Variants in SLC38A11 observed in about 807,000 individuals in gnomAD.
SLC38A11 encodes the protein solute carrier family 38 member 11, also known as putative sodium-coupled neutral amino acid transporter 11.
In SLC38A11, 51 loss-of-function variants were observed where a neutral mutation model predicts 49.4. The ratio of observed to expected loss-of-function variants is 1.03; its 90% CI spans 0.83 to 1.30. The LOEUF is 1.30. Among genes scored for constraint, SLC38A11 ranks in the 50% most tolerant of loss-of-function variants. SLC38A11 has a pLI of 0.00. For missense variants in SLC38A11, 574 were observed against 556.2 expected (o/e 1.03, Z -0.32); for synonymous variants, 203 against 192.9 (o/e 1.05, Z -0.43).
chr2:164,947,029 T>G (rs1273981642), intron 3 of SLC38A11, among the ~76,000 whole-genome samples: 2 of 152,072 alleles, frequency 1.3e-5, no homozygotes, highest in Non-Finnish European at 2.9e-5. Flanking sequence ...CTTGTGGTTT[T>G]CTTCCTGCTG....
At chr2:164,909,791 T>A (rs1574751142) in intron 10 of SLC38A11, among the ~76,000 whole-genome samples, 1 of 152,036 alleles carries the variant, frequency 6.6e-6, no homozygotes, top group South Asian at 2.1e-4. Flanking sequence ...AGGTCAGATA[T>A]TGAGGTATCA....
intron 1 of SLC38A11, 64 bp from the exon 2 acceptor site, chr2:164,954,809 T>C (rs925130189): frequency 8.0e-6 from 6 of 751,498 alleles, no homozygotes; most frequent in African/African-American, 5.3e-5. Flanking sequence ...GTAACAAATA[T>C]GTAATGCAGG....
intron 7 of SLC38A11, 133 bp from the exon 8 acceptor site, chr2:164,916,106 A>G (rs1011937698): frequency 1.8e-6 from 1 of 559,814 alleles, no homozygotes; most frequent in Non-Finnish European, 3.3e-6. Context: ...GCTCCCATTA[A>G]TCTTGTGTAA....
chr2:164,939,735 A>G (rs1687622564), intron 5 of SLC38A11, among the ~76,000 whole-genome samples, 179 bp from the exon 6 acceptor site: 1 of 145,810 alleles, frequency 6.9e-6, no homozygotes, highest in Non-Finnish European at 1.5e-5. Context: ...TCACAAAAAT[A>G]CAAACACAAA....
intron 5 of SLC38A11, among the ~76,000 whole-genome samples, chr2:164,940,820 A>G (rs1280026048): frequency 6.6e-6 from 1 of 151,734 alleles, no homozygotes; most frequent in East Asian, 1.9e-4. Flanking sequence ...TTTTAATACT[A>G]ATGGAATAGT....
Position 164,954,697 on chromosome 2 carries a change from C to G in SLC38A11, c.88G>C (p.Glu30Gln). Reference protein sequence around the residue: ...ETLVSEHEYKEKTCQSAALFN... With the variant: ...ETLVSEHEYKQKTCQSAALFN... ...AGAGCAGCAGACTGACAGGTTTTCT[C>G]TTTATACTCATGTTCAGAAACAAGG... Residue 30 changes from glutamate to glutamine, a missense_variant, in exon 2 of 12, where the codon GAG becomes CAG. By Grantham distance (29) the Glu-to-Gln change is conservative. Transcript: ENST00000685975. The G allele has an allele frequency of 6.5e-7, 1 of 1,543,966 alleles. No individual in the cohort carries two copies. The highest frequency in any genetic ancestry group is 1.4e-5 in the African/African-American group (1 of 73,032).
chr2:164,945,788 T>C (rs1688066094), intron 3 of SLC38A11, 61 bp from the exon 4 acceptor site: 1 of 1,544,062 alleles, frequency 6.5e-7, no homozygotes, highest in Non-Finnish European at 8.7e-7. Flanking sequence ...TTTCATGTTT[T>C]AACTTAATTA....
In SLC38A11 at chr2:164,908,571, T is replaced by C. The variant is rs1685178745; in HGVS notation, c.1095+69A>G. Reference sequence around the variant, plus strand: ...CTTTTGTTAAGGAAAATACATCTTATGTTAAATGTAATCATTATCTTTTAA... The same window carrying C: ...CTTTTGTTAAGGAAAATACATCTTACGTTAAATGTAATCATTATCTTTTAA... On this transcript the variant is annotated intron_variant, in intron 11 of 11. Coordinates refer to ENST00000685975, the MANE Select transcript of SLC38A11 (RefSeq NM_001351537.2). 15 of 1,352,618 alleles carry C rather than the reference T, an allele frequency of 1.1e-5. No homozygotes were observed. In the South Asian group the frequency reaches 2.1e-4, roughly 19 times the overall value. 83.8% of individuals were successfully genotyped at this position (1,352,618 alleles called of 1,614,324 possible).
chr2:164,931,377 C>T (rs1686995513), intron 7 of SLC38A11, among the ~76,000 whole-genome samples: 1 of 151,992 alleles, frequency 6.6e-6, no homozygotes, highest in African/African-American at 2.4e-5. Context: ...AATGTCATTC[C>T]TATTGAACTA....
intron 7 of SLC38A11, among the ~76,000 whole-genome samples, chr2:164,935,168 AT>A (rs914434824): frequency 2.7e-5 from 4 of 146,816 alleles, no homozygotes; most frequent in African/African-American, 1.0e-4. Context: ...ACTGTCATTG[AT>A]TTTTCTTCTT....
chr2:164,941,382 G>C (rs1395877237), intron 5 of SLC38A11, among the ~76,000 whole-genome samples: 1 of 151,978 alleles, frequency 6.6e-6, no homozygotes, highest in Non-Finnish European at 1.5e-5. Context: ...ATGTATTTCA[G>C]AATAAAAATA....
Position 164,954,699 on chromosome 2 carries a change from T to C in SLC38A11, c.86A>G (p.Lys29Arg). ...RETLVSEHEYKEKTCQSAALF... is the reference protein window; with the variant it reads ...RETLVSEHEYREKTCQSAALF... ...AGCAGCAGACTGACAGGTTTTCTCT[T>C]TATACTCATGTTCAGAAACAAGGGT... is the stretch of plus-strand genomic sequence containing the variant. Residue 29 changes from lysine to arginine, a missense_variant, in exon 2 of 12, where the codon AAA becomes AGA. Lys to Arg is a conservative substitution (Grantham distance 26, BLOSUM62 2). Transcript: ENST00000685975. 6.5e-7 allele frequency: 1 copy of C among 1,543,586 alleles called. No homozygotes were observed. The highest frequency in any genetic ancestry group is 8.7e-7 in the Non-Finnish European group (1 of 1,142,970).
At chr2:164,919,655 A>C (rs1172533191) in intron 7 of SLC38A11, among the ~76,000 whole-genome samples, 1 of 152,208 alleles carries the variant, frequency 6.6e-6, no homozygotes, top group East Asian at 1.9e-4. Context: ...CATATAACTT[A>C]AGCACATACT....
chr2:164,935,813 T>C (rs1687331201), intron 7 of SLC38A11, among the ~76,000 whole-genome samples: 1 of 152,134 alleles, frequency 6.6e-6, no homozygotes, highest in Non-Finnish European at 1.5e-5. Context: ...TTGGGAGACT[T>C]TGAGAGATAA....
At chr2:164,940,150 A>G (rs1687660153) in intron 5 of SLC38A11, among the ~76,000 whole-genome samples, 1 of 150,290 alleles carries the variant, frequency 6.7e-6, no homozygotes. Context: ...TTGGATAGAG[A>G]AGAAGTCACA....
At chr2:164,899,017 G>T (rs1457213191) in intron 11 of SLC38A11, among the ~76,000 whole-genome samples, 1 of 151,990 alleles carries the variant, frequency 6.6e-6, no homozygotes, top group Non-Finnish European at 1.5e-5. Context: ...CAGATAATAG[G>T]ACTGACTTCT....
intron 1 of SLC38A11, 40 bp from the exon 2 acceptor site, chr2:164,954,785 A>T (rs1190012190): frequency 1.6e-5 from 16 of 1,006,300 alleles, no homozygotes; most frequent in Non-Finnish European, 2.3e-5. Flanking sequence ...ATACTAGTTC[A>T]GAAAATTAGA....
At chr2:164,911,562 A>G in intron 10 of SLC38A11, 74 bp downstream of exon 10, 3 of 719,868 alleles carry the variant, frequency 4.2e-6, no homozygotes, top group Non-Finnish European at 4.3e-6. Context: ...AAACTGTATT[A>G]TTTATAAATC....
Position 164,894,539 on chromosome 2 carries a change from C to T in SLC38A11, c.*3898G>A, listed in dbSNP as rs1371215217. ...TGCTGAGAGTTTAGTCCTTGGAAAA[C>T]TTGGTGTTCTTTTGAGAAACTGATA... On this transcript the variant is annotated 3_prime_UTR_variant, in exon 12 of 12. Transcript: ENST00000685975. 6.6e-6 allele frequency among the ~76,000 whole-genome samples: 1 copy of T among 152,126 alleles called. No homozygotes were observed. The highest frequency in any genetic ancestry group is 2.1e-4 in the South Asian group (1 of 4,828).
Sources: gnomAD v4.1 joint callset for allele counts (sites outside exome capture counted in the v4.1 genomes callset) on GRCh38, gnomAD v4.1.1 for gene constraint, MANE v1.5 for transcripts, NCBI Gene and HGNC (gene_info 2026-07-23, HGNC 2026-07-21) for gene names.